Variants in ATRX observed in about 807,000 individuals in gnomAD.
The protein encoded by ATRX is ATRX chromatin remodeler.
A neutral mutation model predicts 172.6 loss-of-function variants in ATRX; 12 were observed. That is an observed-to-expected ratio of 0.07 (90% CI 0.04 to 0.11). The LOEUF (loss-of-function observed/expected upper bound fraction) is 0.11. ATRX is among the 10% of genes least tolerant of loss of function. The probability of loss-of-function intolerance (pLI) is 1.00; values close to 1 mark genes in which losing one functional copy is unlikely to be tolerated. For missense variants in ATRX, 1,368 were observed against 1,767.4 expected (o/e 0.77, Z 4.05); for synonymous variants, 674 against 594.7 (o/e 1.13, Z -1.94).
At chrX:77,706,411 T>C (rs781806594) in intron 2 of ATRX, among the ~76,000 whole-genome samples, 40 of 110,869 alleles carry the variant, frequency 3.6e-4, no homozygotes, top group African/African-American at 1.2e-3. Flanking sequence ...CTTCGCAACA[T>C]ATACAAAACA....
intron 9 of ATRX, 49 bp from the exon 10 acceptor site, chrX:77,676,347 A>G (rs782603671): frequency 5.4e-6 from 6 of 1,115,976 alleles, no homozygotes; most frequent in Non-Finnish European, 6.1e-6. Context: ...AAGCTATATA[A>G]TTAAAACCAT....
At chrX:77,705,727 G>C (rs2072781996) in intron 2 of ATRX, among the ~76,000 whole-genome samples, 1 of 111,976 alleles carries the variant, frequency 8.9e-6, no homozygotes, top group South Asian at 3.7e-4. Context: ...AAAACAAAGA[G>C]TTAAAATTCA....
chrX:77,635,862 A>G (rs1467766465), intron 16 of ATRX, 53 bp downstream of exon 16: 1 of 1,126,537 alleles, frequency 8.9e-7, no homozygotes, highest in African/African-American at 1.8e-5. Context: ...CTCACACCCA[A>G]ATATTGGTAA....
rs2147762562 is a variant in ATRX, at chrX:77,523,384, C to T, written c.6717G>A (p.Glu2239=). The part of the protein sequence containing the change: ...PMLPKDTILA[E]LLQIHKEHIV... ...TGTGTTCTTTATGTATCTGAAGGAG[C>T]TCTGCAAGTATGGTATCCTGTTTAG... Residue 2239 remains glutamate, a synonymous_variant, in exon 31 of 35, where the codon GAG becomes GAA. Transcript: ENST00000373344. 3.3e-6 allele frequency: 4 copies of T among 1,208,838 alleles called. No individual in the cohort carries two copies. Among genetic ancestry groups the T allele is most frequent in the Non-Finnish European group, 4.5e-6 (4 of 893,158 alleles).
At chrX:77,648,342 T>C (rs1213515483) in intron 15 of ATRX, among the ~76,000 whole-genome samples, 1 of 111,305 alleles carries the variant, frequency 9.0e-6, no homozygotes, top group Non-Finnish European at 1.9e-5. Context: ...AGACAGATCA[T>C]ATTCTGGCTC....
chrX:77,737,384 T>C (rs781867003), intron 1 of ATRX, among the ~76,000 whole-genome samples: 5 of 80,784 alleles, frequency 6.2e-5, no homozygotes, highest in East Asian at 4.6e-4. Context: ...GATCGCACCA[T>C]TGCACTCCAG....
At chrX:77,710,498 T>C (rs1337121445) in intron 2 of ATRX, among the ~76,000 whole-genome samples, 1 of 110,619 alleles carries the variant, frequency 9.0e-6, no homozygotes, top group Non-Finnish European at 1.9e-5. Flanking sequence ...AGCATTTCCT[T>C]TGAGTGTCAT....
chrX:77,720,083 G>C (rs2073667319), intron 1 of ATRX, among the ~76,000 whole-genome samples: 1 of 111,580 alleles, frequency 9.0e-6, no homozygotes, highest in African/African-American at 3.3e-5. Context: ...ATGACTACTA[G>C]GTAAACAAAG....
intron 1 of ATRX, among the ~76,000 whole-genome samples, chrX:77,783,520 C>CA (rs1355810727): frequency 3.6e-5 from 4 of 111,748 alleles, no homozygotes; most frequent in Non-Finnish European, 7.5e-5. Flanking sequence ...TAGAATATTA[C>CA]TTTTTTTTAT....
chrX:77,724,674 T>C (rs782142406), intron 1 of ATRX, among the ~76,000 whole-genome samples: 1 of 112,063 alleles, frequency 8.9e-6, no homozygotes, highest in Non-Finnish European at 1.9e-5. Flanking sequence ...ATCCTGAAGA[T>C]TTATTTACTT....
rs2069413932 is a variant in ATRX, at chrX:77,653,989, A to G, written c.4317+109T>C. ...AATCCTTCCACAAGTGTAAAATGTA[A>G]ATAAGCCAGTACAATACAATGAATG... On this transcript the variant is annotated intron_variant, in intron 14 of 34. Coordinates refer to ENST00000373344, the MANE Select transcript of ATRX (RefSeq NM_000489.6). 1.9e-5 allele frequency: 12 copies of G among 621,742 alleles called. No individual in the cohort carries two copies. In the South Asian group the frequency reaches 2.7e-4, roughly 14 times the overall value. 51.2% of individuals were successfully genotyped at this position (621,742 alleles called of 1,213,427 possible).
At position 77,557,659 on chromosome X, in the gene ATRX, A is replaced by G. The variant is rs1557059700; in HGVS notation, c.6505-14T>C. The G allele has an allele frequency of 8.4e-7, 1 of 1,184,465 alleles. No individual in the cohort carries two copies. The highest frequency in any genetic ancestry group is 1.9e-5 in the South Asian group (1 of 53,613). ...TTCCATGGTTCCCTTTGTAAAAAGA[A>G]GGAAGAATATACAAAAAAATAAAAT... On this transcript the variant is annotated splice_polypyrimidine_tract_variant and intron_variant, in intron 29 of 34. Transcript: ENST00000373344.
intron 15 of ATRX, among the ~76,000 whole-genome samples, chrX:77,638,153 T>C (rs1490068738): frequency 1.8e-5 from 2 of 111,139 alleles, no homozygotes; most frequent in Admixed American, 1.9e-4. Flanking sequence ...CTATTACCCA[T>C]CACTCAGCTT....
intron 30 of ATRX, among the ~76,000 whole-genome samples, chrX:77,540,571 A>T (rs1213187686): frequency 8.9e-6 from 1 of 111,919 alleles, no homozygotes; most frequent in Non-Finnish European, 1.9e-5. Context: ...TGGAAGTAAA[A>T]CACTCCTCAG....
In ATRX at chrX:77,597,108, T is replaced by C. The variant is rs1311125185; in HGVS notation, c.5956+2303A>G. 5.4e-5 allele frequency among the ~76,000 whole-genome samples: 6 copies of C among 111,569 alleles called. No homozygotes were observed. In the South Asian group the frequency reaches 1.5e-3, roughly 28 times the overall value. On this transcript the variant is annotated intron_variant, in intron 25 of 34. Transcript: ENST00000373344. ...CTTCTCATTGCCTTAAATTACACTA[T>C]AATAATTTATTATTCTGATAAAAAT...
chrX:77,773,492 G>A (rs1603341430), intron 1 of ATRX, among the ~76,000 whole-genome samples: 1 of 111,663 alleles, frequency 9.0e-6, no homozygotes. Flanking sequence ...GATGGCTCAC[G>A]CCTGTAATCC....
chrX:77,586,288 A>G (rs1557077053), intron 27 of ATRX, among the ~76,000 whole-genome samples: 2 of 111,823 alleles, frequency 1.8e-5, no homozygotes, highest in Non-Finnish European at 1.9e-5. Context: ...ACCCACAAAA[A>G]TTAAAAGGAA....
rs2063471356 is a variant in ATRX, at chrX:77,528,517, TC to T, written c.6700-5117del. On this transcript the variant is annotated intron_variant, in intron 30 of 34. Transcript: ENST00000373344. The stretch of plus-strand genomic sequence containing the variant: ...GCTGGAGAAGCCGAGGAAACTAGGG[TC>T]TGGAGCAAACCCCCAGCTAACCACA... 6.4e-5 allele frequency among the ~76,000 whole-genome samples: 7 copies of T among 110,136 alleles called. No individual in the cohort carries two copies. In the Middle Eastern group the frequency reaches 0.014, roughly 218 times the overall value.
At chrX:77,734,506 G>A (rs965183552) in intron 1 of ATRX, among the ~76,000 whole-genome samples, 1 of 112,376 alleles carries the variant, frequency 8.9e-6, no homozygotes, top group Admixed American at 9.4e-5. Flanking sequence ...TAGACTCCAG[G>A]CTGGGCATGG....
Sources: allele counts gnomAD v4.1 joint callset (sites outside exome capture counted in the v4.1 genomes callset), GRCh38; gene constraint gnomAD v4.1.1; transcripts MANE v1.5; gene names NCBI Gene and HGNC (gene_info 2026-07-23, HGNC 2026-07-21).